The following SAMD3 variants were observed in gnomAD, a reference collection of about 807,000 sequenced individuals.
SAMD3 encodes the protein sterile alpha motif domain containing 3, also known as sterile alpha motif domain-containing protein 3.
Under a neutral mutation model 58.5 loss-of-function variants are expected in SAMD3, and 63 were observed. The observed-to-expected ratio is 1.08, with a 90% CI of 0.88 to 1.33. SAMD3 has a LOEUF of 1.33. Among genes scored for constraint, SAMD3 ranks in the 40% most tolerant of loss-of-function variants. The pLI is 0.00. For missense variants in SAMD3, 604 were observed against 608.4 expected (o/e 0.99, Z 0.08); for synonymous variants, 220 against 210.3 (o/e 1.05, Z -0.40).
chr6:130,209,670 C>T (rs1932100), intron 4 of SAMD3, 62 bp from the exon 5 acceptor site: 774,313 of 1,025,492 alleles, frequency 0.76, 294,880 homozygotes, highest in African/African-American at 0.87. Context: ...GATCTCACAG[C>T]AGCTCTGAAG....
At chr6:130,247,687 A>G (rs897805679) in intron 2 of SAMD3, among the ~76,000 whole-genome samples, 2 of 152,212 alleles carry the variant, frequency 1.3e-5, no homozygotes, top group Non-Finnish European at 2.9e-5. Context: ...CCAGGTATTC[A>G]TCCTGTCTTT....
chr6:130,316,835 A>G (rs1324995022), intron 1 of SAMD3, among the ~76,000 whole-genome samples: 1 of 152,244 alleles, frequency 6.6e-6, no homozygotes, highest in Non-Finnish European at 1.5e-5. Context: ...TTTTGATGCC[A>G]GATGAGTTAT....
chr6:130,231,101 A>T (rs532446759), intron 2 of SAMD3, among the ~76,000 whole-genome samples: 3 of 152,342 alleles, frequency 2.0e-5, no homozygotes, highest in South Asian at 4.1e-4. Context: ...AAATAACATT[A>T]TCATGATAGA....
intron 7 of SAMD3, 87 bp downstream of exon 7, chr6:130,184,015 TG>T: frequency 3.2e-6 from 3 of 943,502 alleles, no homozygotes; most frequent in Non-Finnish European, 5.1e-6. Context: ...CAAGAAAAGA[TG>T]GGTGAAGCAT....
At chr6:130,281,474 G>T (rs1774978581) in intron 2 of SAMD3, among the ~76,000 whole-genome samples, 1 of 152,104 alleles carries the variant, frequency 6.6e-6, no homozygotes, top group African/African-American at 2.4e-5. Context: ...GCTTGTGAAT[G>T]AATGCAATGT....
At chr6:130,210,013 C>A (rs776988115) in intron 4 of SAMD3, among the ~76,000 whole-genome samples, 6 of 152,196 alleles carry the variant, frequency 3.9e-5, no homozygotes, top group Non-Finnish European at 5.9e-5. Context: ...ATTTTATTAT[C>A]TGTGAAACCT....
At chr6:130,324,991 T>C (rs965769006) in intron 1 of SAMD3, among the ~76,000 whole-genome samples, 1 of 152,158 alleles carries the variant, frequency 6.6e-6, no homozygotes, top group Non-Finnish European at 1.5e-5. Context: ...TGAACATCTT[T>C]TTACTGCCAT....
intron 1 of SAMD3, among the ~76,000 whole-genome samples, chr6:130,334,249 G>C (rs1356680892): frequency 2.6e-5 from 4 of 152,038 alleles, no homozygotes; most frequent in Non-Finnish European, 5.9e-5. Context: ...GAGGAGGAGG[G>C]AAACACATTT....
intron 5 of SAMD3, among the ~76,000 whole-genome samples, chr6:130,204,214 C>G (rs1794875016): frequency 6.6e-6 from 1 of 152,134 alleles, no homozygotes; most frequent in Non-Finnish European, 1.5e-5. Flanking sequence ...ACCTGTTTAT[C>G]TACTTTCATG....
chr6:130,226,548 C>T (rs1796386199), upstream of SAMD3, among the ~76,000 whole-genome samples: 1 of 152,192 alleles, frequency 6.6e-6, no homozygotes, highest in African/African-American at 2.4e-5. Flanking sequence ...TATGAGGGGC[C>T]GGGCACCATG....
Position 130,296,778 on chromosome 6 carries a change from C to G in SAMD3, c.-188+16200G>C, listed in dbSNP as rs925983574. Among the ~76,000 whole-genome samples the G allele has an allele frequency of 2.0e-5, 3 of 152,130 alleles. No individual in the cohort carries two copies. The East Asian group carries it at 5.8e-4, about 29-fold the overall frequency. ...GCCCTGAGCCCATATTGGGGTAGCTCTCAGAGGGGTGTGTCCAGGGCCTGC... is the reference window on the plus strand; with the variant it reads ...GCCCTGAGCCCATATTGGGGTAGCTGTCAGAGGGGTGTGTCCAGGGCCTGC... On this transcript the variant is annotated intron_variant, in intron 2 of 13. Coordinates refer to the SAMD3 transcript ENST00000368134.
At chr6:130,211,275 AATTTTTTTTTT>A (rs1795529805) in intron 4 of SAMD3, among the ~76,000 whole-genome samples, 1 of 134,314 alleles carries the variant, frequency 7.4e-6, no homozygotes, top group African/African-American at 2.8e-5. Context: ...TGCCAATCAG[AATTTTTTTTTT>A]TTTTTTTTTT....
intron 5 of SAMD3, among the ~76,000 whole-genome samples, chr6:130,188,689 A>G (rs1793230565): frequency 6.6e-6 from 1 of 152,198 alleles, no homozygotes; most frequent in South Asian, 2.1e-4. Context: ...TGACAAATTC[A>G]GGGCCTTTGA....
At chr6:130,274,268 C>T (rs1259907442) in intron 2 of SAMD3, among the ~76,000 whole-genome samples, 2 of 152,070 alleles carry the variant, frequency 1.3e-5, no homozygotes, top group African/African-American at 4.8e-5. Context: ...ATGGAGACTC[C>T]CTTGTGCAGA....
chr6:130,275,943 C>T (rs1774760395), intron 2 of SAMD3, among the ~76,000 whole-genome samples: 2 of 152,140 alleles, frequency 1.3e-5, no homozygotes, highest in South Asian at 4.2e-4. Flanking sequence ...TACCTAGAAT[C>T]TATGAATATG....
At chr6:130,205,366 T>G (rs1794997384) in intron 5 of SAMD3, among the ~76,000 whole-genome samples, 1 of 151,918 alleles carries the variant, frequency 6.6e-6, no homozygotes, top group African/African-American at 2.4e-5. Flanking sequence ...TGCAATGGAG[T>G]GATCTCAGCT....
chr6:130,261,924 T>A (rs1012793571), intron 2 of SAMD3, among the ~76,000 whole-genome samples: 1 of 151,562 alleles, frequency 6.6e-6, no homozygotes, highest in Non-Finnish European at 1.5e-5. Flanking sequence ...AGAACTGCAT[T>A]ATAAGCCAGG....
At chr6:130,300,401 T>G (rs1196764730) in intron 2 of SAMD3, among the ~76,000 whole-genome samples, 4 of 150,812 alleles carry the variant, frequency 2.7e-5, no homozygotes, top group Non-Finnish European at 4.4e-5. Context: ...GATAAAAAAA[T>G]CCAATGTCTC....
chr6:130,315,832 A>G (rs948561757), intron 1 of SAMD3, among the ~76,000 whole-genome samples: 15 of 152,116 alleles, frequency 9.9e-5, no homozygotes, highest in Admixed American at 2.0e-4. Context: ...ATATGATATT[A>G]ATTCTATAAC....
Sources: allele counts gnomAD v4.1 joint callset (sites outside exome capture counted in the v4.1 genomes callset), GRCh38; gene constraint gnomAD v4.1.1; transcripts MANE v1.5; gene names NCBI Gene and HGNC (gene_info 2026-07-23, HGNC 2026-07-21).